MASP1: variants seen among roughly 807,000 people sequenced by gnomAD.
MASP1 encodes mannan-binding lectin serine protease 1.
MASP1 carries 59 observed loss-of-function variants against 77.1 expected under a neutral mutation model. That is an observed-to-expected ratio of 0.77 (90% CI 0.62 to 0.95). The LOEUF is 0.95. Among genes scored for constraint, MASP1 ranks in the 40% least tolerant of loss-of-function variants. MASP1 has a pLI of 0.00. For missense variants in MASP1, 885 were observed against 912.9 expected (o/e 0.97, Z 0.39); for synonymous variants, 362 against 354.5 (o/e 1.02, Z -0.24).
chr3:187,233,551 C>T (rs1269314152), downstream of MASP1, among the ~76,000 whole-genome samples: 1 of 152,216 alleles, frequency 6.6e-6, no homozygotes, highest in African/African-American at 2.4e-5. Flanking sequence ...ATAAGACCTA[C>T]ATGCACATAA....
chr3:187,289,105 C>T (rs774380113), intron 1 of MASP1, among the ~76,000 whole-genome samples: 40 of 152,138 alleles, frequency 2.6e-4, no homozygotes, highest in Non-Finnish European at 3.8e-4. Flanking sequence ...ATCTATCCTC[C>T]GGCTAATCAA....
At chr3:187,254,994 T>G (rs554709401) in intron 5 of MASP1, among the ~76,000 whole-genome samples, 8 of 152,296 alleles carry the variant, frequency 5.3e-5, no homozygotes, top group African/African-American at 1.7e-4. Context: ...TGGGACACCA[T>G]GGCAGGCAGA....
chr3:187,221,510 A>G (rs1712058884), intron 14 of MASP1, among the ~76,000 whole-genome samples: 1 of 152,220 alleles, frequency 6.6e-6, no homozygotes, highest in Admixed American at 6.5e-5. Flanking sequence ...CTACTGTAGG[A>G]CCTAGAACAT....
At chr3:187,273,435 T>C (rs1716690573) in intron 2 of MASP1, among the ~76,000 whole-genome samples, 1 of 152,198 alleles carries the variant, frequency 6.6e-6, no homozygotes, top group African/African-American at 2.4e-5. Flanking sequence ...AAGGCTTCTG[T>C]CCACAAGAAG....
At chr3:187,250,551 A>T (rs1490293005) in intron 7 of MASP1, among the ~76,000 whole-genome samples, 1 of 152,190 alleles carries the variant, frequency 6.6e-6, no homozygotes, top group East Asian at 1.9e-4. Context: ...GTGTGCAAGA[A>T]GGGGTTTGGG....
chr3:187,287,502 G>A (rs564193479), intron 1 of MASP1, among the ~76,000 whole-genome samples: 1 of 152,312 alleles, frequency 6.6e-6, no homozygotes, highest in Non-Finnish European at 1.5e-5. Context: ...GGAGTGAAAT[G>A]TACTTGGATT....
chr3:187,232,938 C>T (rs1046753415), downstream of MASP1, among the ~76,000 whole-genome samples: 16 of 152,302 alleles, frequency 1.1e-4, no homozygotes, highest in African/African-American at 2.9e-4. Flanking sequence ...ACCATGAGTG[C>T]GTCCCATGGT....
intron 10 of MASP1, among the ~76,000 whole-genome samples, chr3:187,238,522 G>A (rs540761910): frequency 6.6e-6 from 1 of 152,280 alleles, no homozygotes; most frequent in African/African-American, 2.4e-5. Context: ...GGGAGAAAGG[G>A]ATCTTCTTGA....
rs1718309813 is a variant in MASP1 at position 187,291,310 on chromosome 3, G to A, written c.5+318C>T. 4 of 474,790 alleles carry A rather than the reference G, an allele frequency of 8.4e-6. No individual in the cohort carries two copies. The Admixed American group carries it at 1.3e-4, about 16-fold the overall frequency. The allele number at this position is 474,790 out of a possible 1,614,324, so 29.4% of individuals were successfully genotyped here. A position where few individuals can be genotyped will look rare whatever the true frequency, so the allele number is the denominator to read the frequency against. ...GGAACACGGAAAAATCAGCCTTGTG[G>A]GTGAACAGGAGGAGAGTCACATTCG... is the stretch of plus-strand genomic sequence containing the variant. On this transcript the variant is annotated intron_variant, in intron 1 of 10. Coordinates refer to ENST00000296280, the MANE Select transcript of MASP1 (RefSeq NM_139125.4).
exon 16 of MASP1, chr3:187,218,290 G>C (rs1422457080): frequency 1.3e-5 from 2 of 152,286 alleles, no homozygotes; most frequent in African/African-American, 2.4e-5. Context: ...TCTTCATCTA[G>C]GTAGTTCCCA....
At chr3:187,252,537 T>G (rs1364630890) in intron 6 of MASP1, among the ~76,000 whole-genome samples, 1 of 152,226 alleles carries the variant, frequency 6.6e-6, no homozygotes, top group Non-Finnish European at 1.5e-5. Context: ...GCAGTGTATG[T>G]GATAATGCAG....
rs558383610 is a variant in MASP1, at chr3:187,285,985, T to C, written c.77A>G (p.Asn26Ser). 1.2e-6 allele frequency: 2 copies of C among 1,614,190 alleles called. No homozygotes were observed. Among genetic ancestry groups the C allele is most frequent in the East Asian group, 2.2e-5 (1 of 44,886 alleles). ...AGGCGACTGGATCTGGCCAAACATA[T>C]TGTTTAGCTCCACGGTGTGGGCTGA... ...KASAHTVELN[N>S]MFGQIQSPGY... is the part of the protein sequence containing the mutation. The change falls in exon 2 of 11, where the codon AAT (asparagine) becomes AGT (serine). Residue 26 changes from asparagine (N) to serine (S), a missense_variant. Physicochemically the swap from Asn to Ser is conservative, Grantham distance 46 (BLOSUM62 1). Transcript: ENST00000296280.
chr3:187,226,402 C>T, intron 12 of MASP1: 3 of 1,600,972 alleles, frequency 1.9e-6, no homozygotes, highest in Non-Finnish European at 1.7e-6. Context: ...CCCTCACTCA[C>T]TCACCCAGGA....
At chr3:187,262,410 T>A in intron 3 of MASP1, 133 bp downstream of exon 3, 1 of 834,464 alleles carries the variant, frequency 1.2e-6, no homozygotes, top group Non-Finnish European at 2.0e-6. Context: ...ATAGAGCAAA[T>A]GCATTAAGAC....
chr3:187,229,697 T>A, downstream of MASP1: 2 of 1,595,372 alleles, frequency 1.3e-6, no homozygotes, highest in South Asian at 2.3e-5. Context: ...TGAAGAAACC[T>A]TGGTCAGTCT....
At chr3:187,287,631 G>A (rs374213634) in intron 1 of MASP1, among the ~76,000 whole-genome samples, 2 of 152,294 alleles carry the variant, frequency 1.3e-5, no homozygotes, top group Admixed American at 6.5e-5. Flanking sequence ...GCTCCTATGA[G>A]CACTAAAGGT....
chr3:187,231,795 T>G (rs887762118), downstream of MASP1, among the ~76,000 whole-genome samples: 1 of 152,210 alleles, frequency 6.6e-6, no homozygotes, highest in African/African-American at 2.4e-5. Context: ...GAGTCAGGCT[T>G]CATAGTAAGA....
Position 187,234,824 on chromosome 3 carries a change from C to G in MASP1, c.*860G>C. Reference sequence around the variant, plus strand: ...CGGGCCTGGGCTTCAGGTAGCCTTTCAGATAATACATTTCAAGGCTGAAAG... The same window carrying G: ...CGGGCCTGGGCTTCAGGTAGCCTTTGAGATAATACATTTCAAGGCTGAAAG... On this transcript the variant is annotated 3_prime_UTR_variant, in exon 11 of 11. Coordinates refer to ENST00000296280, the MANE Select transcript of MASP1 (RefSeq NM_139125.4). 7.8e-7 allele frequency: 1 copy of G among 1,287,244 alleles called. No individual in the cohort carries two copies. The highest frequency in any genetic ancestry group is 1.2e-5 in the South Asian group (1 of 80,938). The allele number at this position is 1,287,244 out of a possible 1,614,324, so 79.7% of individuals were successfully genotyped here.
chr3:187,227,337 T>G (rs888596492), intron 11 of MASP1, among the ~76,000 whole-genome samples: 2 of 152,202 alleles, frequency 1.3e-5, no homozygotes, highest in South Asian at 2.1e-4. Context: ...GGGCTCCTGA[T>G]AGTCAGCTTA....
Sources: allele counts gnomAD v4.1 joint callset (sites outside exome capture counted in the v4.1 genomes callset), GRCh38; gene constraint gnomAD v4.1.1; transcripts MANE v1.5; gene names NCBI Gene and HGNC (gene_info 2026-07-23, HGNC 2026-07-21).